The following AOAH variants were observed in gnomAD, a reference collection of about 807,000 sequenced individuals.
The protein encoded by AOAH is acyloxyacyl hydrolase (neutrophil).
In AOAH, 64 loss-of-function variants were observed where a neutral mutation model predicts 92.2. The ratio of observed to expected loss-of-function variants is 0.69; its 90% CI spans 0.57 to 0.86. The LOEUF (loss-of-function observed/expected upper bound fraction) is 0.86, where lower values mean the gene tolerates loss of function less well. AOAH is among the 40% of genes least tolerant of loss of function. The pLI, the probability that AOAH is intolerant of heterozygous loss-of-function variation, is 0.00. For missense variants in AOAH, 656 were observed against 694.6 expected (o/e 0.94, Z 0.62); for synonymous variants, 263 against 254.5 (o/e 1.03, Z -0.32).
chr7:36,530,301 G>A (rs3735393), intron 19 of AOAH, 117 bp downstream of exon 19: 316,721 of 684,918 alleles, frequency 0.46, 76,922 homozygotes, highest in East Asian at 0.53. Flanking sequence ...AGAATAGGCA[G>A]GAGTAACCCT....
chr7:36,547,045 G>A (rs1785853409), intron 15 of AOAH, among the ~76,000 whole-genome samples: 1 of 152,234 alleles, frequency 6.6e-6, no homozygotes, highest in Non-Finnish European at 1.5e-5. Flanking sequence ...TACCAGAACA[G>A]GCAAGTTCCT....
chr7:36,578,053 A>C (rs1011789825), intron 12 of AOAH, among the ~76,000 whole-genome samples: 1 of 152,198 alleles, frequency 6.6e-6, no homozygotes, highest in South Asian at 2.1e-4. Flanking sequence ...AGTGTTTTTT[A>C]ATACAAGACC....
In AOAH at chr7:36,522,065, G is replaced by A; in HGVS notation, c.1573C>T (p.Pro525Ser). 1.2e-6 allele frequency: 2 copies of A among 1,614,188 alleles called. No homozygotes were observed. Among genetic ancestry groups the A allele is most frequent in the South Asian group, 2.2e-5 (2 of 91,082 alleles). The change falls in exon 20 of 21, where the codon CCC becomes TCC. Residue 525 changes from proline (P) to serine (S), a missense_variant. Transcript: ENST00000617537. ...TCGTTGGGGTGGAATCCATCCACGG[G>A]CTCGATGAGCTGCCAGGGCTGTCCG... ...RGGQPWQLIE[P>S]VDGFHPNEVA... is the part of the protein sequence containing the mutation.
At chr7:36,520,947 C>G (rs1189885048) in intron 20 of AOAH, among the ~76,000 whole-genome samples, 2 of 152,184 alleles carry the variant, frequency 1.3e-5, no homozygotes, top group African/African-American at 2.4e-5. Context: ...TTAAAATTTG[C>G]TCAGCATTTG....
intron 4 of AOAH, among the ~76,000 whole-genome samples, chr7:36,649,686 C>T (rs1794450013): frequency 6.6e-6 from 1 of 152,114 alleles, no homozygotes; most frequent in Non-Finnish European, 1.5e-5. Context: ...TCTGTTTTCA[C>T]TCTATTAAAT....
intron 11 of AOAH, among the ~76,000 whole-genome samples, chr7:36,604,276 A>T (rs1307032638): frequency 1.3e-5 from 2 of 152,180 alleles, no homozygotes; most frequent in Non-Finnish European, 2.9e-5. Flanking sequence ...GTTAAATAGG[A>T]TACTTGGTGT....
chr7:36,513,123 T>C lies in AOAH; in HGVS notation c.*129A>G. On this transcript the variant is annotated 3_prime_UTR_variant, in exon 21 of 21. Coordinates refer to ENST00000617537, the MANE Select transcript of AOAH (RefSeq NM_001637.4). ...ATGCTCTTCATTGAGAGAAAGACATTTTGCAAAGATGCTGCTGAAGAAGAG... is the reference window on the plus strand; with the variant it reads ...ATGCTCTTCATTGAGAGAAAGACATCTTGCAAAGATGCTGCTGAAGAAGAG... 1 of 1,607,736 alleles carries C rather than the reference T, an allele frequency of 6.2e-7. No individual in the cohort carries two copies. The highest frequency in any genetic ancestry group is 8.5e-7 in the Non-Finnish European group (1 of 1,179,592).
At chr7:36,582,214 G>T (rs1004712272) in intron 12 of AOAH, among the ~76,000 whole-genome samples, 2 of 152,128 alleles carry the variant, frequency 1.3e-5, no homozygotes, top group African/African-American at 2.4e-5. Flanking sequence ...CTGCTCTGTT[G>T]TATATATCAA....
chr7:36,664,497 C>G (rs1219403814), intron 3 of AOAH, among the ~76,000 whole-genome samples: 1 of 152,162 alleles, frequency 6.6e-6, no homozygotes, highest in Non-Finnish European at 1.5e-5. Context: ...CACCAATACC[C>G]TGCTGTCTTG....
chr7:36,518,741 A>G (rs577329076), intron 20 of AOAH, among the ~76,000 whole-genome samples: 2 of 152,288 alleles, frequency 1.3e-5, no homozygotes, highest in Admixed American at 1.3e-4. Context: ...AATACATCCA[A>G]TGTATTAAGA....
chr7:36,711,151 G>A (rs1798744426), intron 1 of AOAH, among the ~76,000 whole-genome samples: 1 of 152,084 alleles, frequency 6.6e-6, no homozygotes, highest in Non-Finnish European at 1.5e-5. Context: ...TAAATCACTA[G>A]TAATGTCTTC....
chr7:36,514,753 C>T, intron 20 of AOAH: 2 of 597,934 alleles, frequency 3.3e-6, no homozygotes, highest in Admixed American at 2.8e-5. Flanking sequence ...TCAGGGATAT[C>T]CCTGACTTTT....
In AOAH at chr7:36,618,361, G is replaced by A. The variant is rs758208577; in HGVS notation, c.703-16C>T. The A allele has an allele frequency of 2.1e-5, 34 of 1,613,226 alleles. No homozygotes were observed. In the South Asian group the frequency reaches 2.5e-4, roughly 12 times the overall value. On this transcript the variant is annotated splice_polypyrimidine_tract_variant and intron_variant, in intron 9 of 20. Transcript: ENST00000617537. Reference sequence around the variant, plus strand: ...GATCGACACCCTTTAAAAAAGAAACGATGTGATTAGCAGTTTGGTTTTAAA... The same window carrying A: ...GATCGACACCCTTTAAAAAAGAAACAATGTGATTAGCAGTTTGGTTTTAAA...
intron 9 of AOAH, 22 bp downstream of exon 9, chr7:36,620,759 C>T (rs754230852): frequency 1.2e-6 from 2 of 1,612,276 alleles, no homozygotes; most frequent in Admixed American, 3.3e-5. Flanking sequence ...GAATGGGGTT[C>T]AAGCTGAATT....
intron 18 of AOAH, 84 bp from the exon 19 acceptor site, chr7:36,530,598 A>G: frequency 1.2e-6 from 1 of 859,250 alleles, no homozygotes; most frequent in Non-Finnish European, 1.9e-6. Context: ...AAAGAAATCG[A>G]TCTTCCCCAT....
intron 19 of AOAH, among the ~76,000 whole-genome samples, chr7:36,527,680 C>T (rs3779220): frequency 0.064 from 9,705 of 152,204 alleles, 478 homozygotes; most frequent in East Asian, 0.19. Flanking sequence ...TTATTTCTAT[C>T]CTACATACAA....
rs1267746972 is a variant in AOAH at position 36,612,456 on chromosome 7, TTA to T, written c.846+3922_846+3923del. 3.3e-5 allele frequency among the ~76,000 whole-genome samples: 5 copies of T among 152,342 alleles called. No individual in the cohort carries two copies. The South Asian group carries it at 6.2e-4, about 19-fold the overall frequency. ...TTTTACATCCCCTATTTTTTGATTT[TTA>T]GTTTCTTTCCTCATTTTTGCTCTTA... On this transcript the variant is annotated intron_variant, in intron 11 of 20. Transcript: ENST00000617537.
chr7:36,689,022 G>T (rs542717272), intron 1 of AOAH, among the ~76,000 whole-genome samples: 1 of 152,188 alleles, frequency 6.6e-6, no homozygotes, highest in South Asian at 2.1e-4. Context: ...CGAACTCCTG[G>T]CCTCAAGTGA....
chr7:36,685,822 T>C (rs1425709719), intron 2 of AOAH, among the ~76,000 whole-genome samples: 1 of 152,186 alleles, frequency 6.6e-6, no homozygotes, highest in African/African-American at 2.4e-5. Context: ...TGTATTATCC[T>C]CTCCCAGTCT....
Sources: gnomAD v4.1 joint callset for allele counts (sites outside exome capture counted in the v4.1 genomes callset) on GRCh38, gnomAD v4.1.1 for gene constraint, MANE v1.5 for transcripts, NCBI Gene and HGNC (gene_info 2026-07-23, HGNC 2026-07-21) for gene names.